LRRN3: variants seen among roughly 807,000 people sequenced by gnomAD.
The protein encoded by LRRN3 is leucine-rich repeat neuronal protein 3.
Under a neutral mutation model 40.1 loss-of-function variants are expected in LRRN3, and 15 were observed. The ratio of observed to expected loss-of-function variants is 0.37; its 90% CI spans 0.25 to 0.58. LRRN3 has a LOEUF of 0.58. Among genes scored for constraint, LRRN3 ranks in the 20% least tolerant of loss-of-function variants. The pLI, the probability that LRRN3 is intolerant of heterozygous loss-of-function variation, is 0.72. For synonymous variants in LRRN3, 308 were observed against 297.2 expected (o/e 1.04, Z -0.37); for missense variants, 746 against 837.7 (o/e 0.89, Z 1.35).
chr7:111,116,788 CA>C (rs1479713016), intron 2 of LRRN3, among the ~76,000 whole-genome samples: 9 of 151,984 alleles, frequency 5.9e-5, no homozygotes, highest in African/African-American at 2.2e-4. Flanking sequence ...ACAATAATAA[CA>C]AAAAAGGCAG....
At chr7:111,111,273 C>T (rs1484871670) in intron 2 of LRRN3, among the ~76,000 whole-genome samples, 1 of 149,760 alleles carries the variant, frequency 6.7e-6, no homozygotes, top group Non-Finnish European at 1.5e-5. Context: ...GGGCATATCG[C>T]CCATGCTCTT....
chr7:111,122,582 T>C lies in LRRN3; in HGVS notation c.-191T>C, dbSNP rs1304737405. On this transcript the variant is annotated 5_prime_UTR_variant, in exon 3 of 3. The change abolishes an upstream ATG in the 5' untranslated region. Coordinates refer to ENST00000308478, the MANE Select transcript of LRRN3 (RefSeq NM_001099658.2). ...AATAGTAACCTTCTCTTCTCCAATA[T>C]GCATGACATTTTTGGACAATGCAAT... The C allele has an allele frequency of 1.7e-5, 10 of 574,150 alleles. No individual in the cohort carries two copies. Among genetic ancestry groups the C allele is most frequent in the Non-Finnish European group, 2.8e-5 (9 of 323,276 alleles). 35.6% of individuals were successfully genotyped at this position (574,150 alleles called of 1,614,324 possible).
At chr7:111,108,563 GATTT>G (rs1798812820) in intron 2 of LRRN3, among the ~76,000 whole-genome samples, 1 of 152,000 alleles carries the variant, frequency 6.6e-6, no homozygotes, top group Non-Finnish European at 1.5e-5. Flanking sequence ...CCTCACAACA[GATTT>G]ATTCGAGATA....
chr7:111,098,244 G>T (rs28711744), intron 1 of LRRN3, among the ~76,000 whole-genome samples: 4,472 of 151,710 alleles, frequency 0.029, 221 homozygotes, highest in African/African-American at 0.1. Context: ...TCCTCTTATT[G>T]TCATTTATTA....
chr7:111,115,496 CTG>C (rs1019757965), intron 2 of LRRN3, among the ~76,000 whole-genome samples: 3 of 151,838 alleles, frequency 2.0e-5, no homozygotes, highest in African/African-American at 7.3e-5. Flanking sequence ...TGAAATGTGC[CTG>C]TGATTAAGAT....
intron 2 of LRRN3, among the ~76,000 whole-genome samples, chr7:111,111,937 A>AGTTTGTTT (rs1273626531): frequency 7.6e-6 from 1 of 132,018 alleles, no homozygotes; most frequent in African/African-American, 3.0e-5. Context: ...ATATATATAT[A>AGTTTGTTT]GTTTGTTTTT....
chr7:111,091,609 GAATTCT>G (rs1489904437), intron 1 of LRRN3, 105 bp downstream of exon 1: 1 of 152,160 alleles, frequency 6.6e-6, no homozygotes, highest in Non-Finnish European at 1.5e-5. Context: ...CTTCTTGTCT[GAATTCT>G]AAGAGCATTT....
intron 2 of LRRN3, among the ~76,000 whole-genome samples, chr7:111,110,874 CAT>C (rs1799114161): frequency 6.6e-6 from 1 of 152,156 alleles, no homozygotes; most frequent in Non-Finnish European, 1.5e-5. Context: ...GATCTTAAAT[CAT>C]GTGACTGTGA....
chr7:111,117,109 C>T (rs1799972760), intron 2 of LRRN3, among the ~76,000 whole-genome samples: 1 of 151,994 alleles, frequency 6.6e-6, no homozygotes, highest in Admixed American at 6.6e-5. Context: ...TTAAAAGCCC[C>T]ATAATGACTA....
At chr7:111,106,493 T>C (rs546694032) in intron 2 of LRRN3, among the ~76,000 whole-genome samples, 40 of 151,894 alleles carry the variant, frequency 2.6e-4, no homozygotes, top group African/African-American at 9.4e-4. Flanking sequence ...AAAACAGATA[T>C]GTCTTCTACC....
intron 2 of LRRN3, among the ~76,000 whole-genome samples, chr7:111,102,381 G>C (rs901578552): frequency 6.6e-6 from 1 of 151,392 alleles, no homozygotes; most frequent in African/African-American, 2.4e-5. Context: ...GCCCATATTT[G>C]TGGAACCTCT....
intron 1 of LRRN3, among the ~76,000 whole-genome samples, chr7:111,098,503 A>C (rs1171544986): frequency 6.6e-6 from 1 of 151,850 alleles, no homozygotes; most frequent in Non-Finnish European, 1.5e-5. Context: ...ATGTTCTGAC[A>C]TAAATTAATG....
chr7:111,110,431 A>C (rs777035637), intron 2 of LRRN3, among the ~76,000 whole-genome samples: 23 of 152,174 alleles, frequency 1.5e-4, no homozygotes, highest in Non-Finnish European at 2.5e-4. Context: ...AGAAAACATA[A>C]ACAATACCAG....
rs1169615068 is a variant in LRRN3, at chr7:111,125,002, T to A, written c.*103T>A. 4 of 835,438 alleles carry A rather than the reference T, an allele frequency of 4.8e-6. No homozygotes were observed. The highest frequency in any genetic ancestry group is 5.4e-6 in the Non-Finnish European group (3 of 552,510). 51.8% of individuals were successfully genotyped at this position (835,438 alleles called of 1,614,324 possible). The stretch of plus-strand genomic sequence containing the variant: ...CAAAACAAACAAACAAACAAAAAAG[T>A]AAAAAAAGATTACTTTCGAGAGAGA... On this transcript the variant is annotated 3_prime_UTR_variant, in exon 3 of 3. Transcript: ENST00000308478.
intron 1 of LRRN3, among the ~76,000 whole-genome samples, chr7:111,099,185 G>A (rs111504666): frequency 4.6e-5 from 7 of 151,746 alleles, no homozygotes; most frequent in Admixed American, 2.0e-4. Context: ...TATAATAAGT[G>A]ACACAAAAGA....
At chr7:111,104,195 C>T (rs1798288109) in intron 2 of LRRN3, among the ~76,000 whole-genome samples, 1 of 151,598 alleles carries the variant, frequency 6.6e-6, no homozygotes, top group African/African-American at 2.4e-5. Flanking sequence ...TTACTATTCG[C>T]ATCTTGAGCC....
intron 2 of LRRN3, among the ~76,000 whole-genome samples, chr7:111,115,865 C>G (rs1799822619): frequency 6.6e-6 from 1 of 151,930 alleles, no homozygotes; most frequent in Non-Finnish European, 1.5e-5. Flanking sequence ...TTACTAGAGA[C>G]TGGGTTTCAC....
chr7:111,094,605 A>G (rs2129578425), intron 1 of LRRN3, among the ~76,000 whole-genome samples: 1 of 152,294 alleles, frequency 6.6e-6, no homozygotes, highest in South Asian at 2.1e-4. Flanking sequence ...TGTCAAAGAT[A>G]AAGCTCTCTG....
Position 111,095,872 on chromosome 7 carries a change from G to A in LRRN3, c.-440-4009G>A, listed in dbSNP as rs910630028. ...TGGAAAACAATAAATATATTATCAG[G>A]ACAGCAATCCCTCTCCCTCTCTCCC... is the stretch of plus-strand genomic sequence containing the variant. On this transcript the variant is annotated intron_variant, in intron 1 of 2. Coordinates refer to ENST00000308478, the MANE Select transcript of LRRN3 (RefSeq NM_001099658.2). 1.1e-4 allele frequency among the ~76,000 whole-genome samples: 16 copies of A among 151,858 alleles called. 1 individual carries two copies. In the East Asian group the frequency reaches 2.7e-3, roughly 26 times the overall value.
Sources: gnomAD v4.1 joint callset for allele counts (sites outside exome capture counted in the v4.1 genomes callset) on GRCh38, gnomAD v4.1.1 for gene constraint, MANE v1.5 for transcripts, NCBI Gene and HGNC (gene_info 2026-07-23, HGNC 2026-07-21) for gene names.